Variants in LRRIQ1 observed in about 807,000 individuals in gnomAD.
LRRIQ1 encodes leucine-rich repeat- and IQ domain-containing protein 1.
A neutral mutation model predicts 211.9 loss-of-function variants in LRRIQ1; 210 were observed. The ratio of observed to expected loss-of-function variants is 0.99; its 90% CI spans 0.89 to 1.11. The LOEUF (loss-of-function observed/expected upper bound fraction) is 1.11, where lower values mean the gene tolerates loss of function less well. Ranked by LOEUF, LRRIQ1 falls within the 50% of genes most tolerant of loss-of-function variation. The probability of loss-of-function intolerance (pLI) is 0.00; values close to 1 mark genes in which losing one functional copy is unlikely to be tolerated. For synonymous variants in LRRIQ1, 699 were observed against 650.1 expected, an observed-to-expected ratio of 1.08 and a Z score of -1.14; for missense variants, 2,136 against 1,939.5, an observed-to-expected ratio of 1.10 and a Z score of -1.90.
chr12:85,139,126 C>A (rs1796951157), intron 19 of LRRIQ1, among the ~76,000 whole-genome samples: 1 of 151,294 alleles, frequency 6.6e-6, no homozygotes, highest in Non-Finnish European at 1.5e-5. Context: ...ATGTAGTTTC[C>A]ACCACTAAGA....
At chr12:85,084,961 T>G (rs1884667964) in intron 11 of LRRIQ1, among the ~76,000 whole-genome samples, 1 of 151,590 alleles carries the variant, frequency 6.6e-6, no homozygotes, top group African/African-American at 2.4e-5. Context: ...ATTTATAAAG[T>G]AAGTCATTCT....
intron 19 of LRRIQ1, among the ~76,000 whole-genome samples, chr12:85,141,332 G>GAGGT (rs1221235817): frequency 2.0e-5 from 3 of 151,136 alleles, no homozygotes; most frequent in Non-Finnish European, 4.4e-5. Context: ...GGCATTCTAT[G>GAGGT]AGGTATTGAG....
At position 85,185,911 on chromosome 12, in the gene LRRIQ1, G is replaced by A. The variant is rs1344698617; in HGVS notation, c.4822+25197G>A. ...AATTGCTTATATATATAAGGTGCATGCTATGATATATAAATGATAAGTAAC... is the reference window on the plus strand; with the variant it reads ...AATTGCTTATATATATAAGGTGCATACTATGATATATAAATGATAAGTAAC... On this transcript the variant is annotated intron_variant, in intron 24 of 26. Coordinates refer to ENST00000393217, the MANE Select transcript of LRRIQ1 (RefSeq NM_001079910.2). 4.0e-5 allele frequency among the ~76,000 whole-genome samples: 6 copies of A among 151,868 alleles called. No homozygotes were observed. In the East Asian group the frequency reaches 9.6e-4, roughly 24 times the overall value.
chr12:85,198,122 A>AATAT (rs1893085023), intron 24 of LRRIQ1, among the ~76,000 whole-genome samples: 1 of 120,808 alleles, frequency 8.3e-6, no homozygotes, highest in South Asian at 2.2e-4. Flanking sequence ...TATAATATAT[A>AATAT]ATATATATTA....
chr12:85,095,255 A>G (rs1012987777), intron 11 of LRRIQ1, among the ~76,000 whole-genome samples: 2 of 152,126 alleles, frequency 1.3e-5, no homozygotes, highest in Admixed American at 6.5e-5. Flanking sequence ...TGTCTTTGCC[A>G]TATAGGGCTC....
chr12:85,152,316 A>G lies in LRRIQ1; in HGVS notation c.4366A>G (p.Thr1456Ala). The change falls in exon 20 of 27, where the codon ACC (threonine) becomes GCC (alanine). Residue 1456 changes from threonine to alanine, a missense_variant. By Grantham distance (58) the Thr-to-Ala change is moderately conservative. Coordinates refer to ENST00000393217, the MANE Select transcript of LRRIQ1 (RefSeq NM_001079910.2). ...LEEEWLALDS[T>A]RFPSQTLLLS... is the part of the protein sequence containing the mutation. ...AGAAGAATGGCTAGCATTAGATTCC[A>G]CCCGCTTCCCTTCACAAACACTGCT... 2 of 1,611,418 alleles carry G rather than the reference A, an allele frequency of 1.2e-6. No individual in the cohort carries two copies. The highest frequency in any genetic ancestry group is 1.1e-5 in the South Asian group (1 of 90,950).
At chr12:85,224,550 A>T (rs998835904) in intron 24 of LRRIQ1, among the ~76,000 whole-genome samples, 4 of 152,172 alleles carry the variant, frequency 2.6e-5, no homozygotes, top group Admixed American at 2.6e-4. Flanking sequence ...AATACTATGC[A>T]GCCATCAAAA....
chr12:85,236,830 C>CATATATATATATATAT (rs60371759), intron 26 of LRRIQ1, among the ~76,000 whole-genome samples: 4,542 of 108,134 alleles, frequency 0.042, 213 homozygotes, highest in African/African-American at 0.075. Flanking sequence ...TGTATGTGTG[C>CATATATATATATATAT]ATATATATAT....
intron 24 of LRRIQ1, among the ~76,000 whole-genome samples, chr12:85,175,971 A>G (rs532067758): frequency 6.6e-6 from 1 of 152,168 alleles, no homozygotes; most frequent in Non-Finnish European, 1.5e-5. Flanking sequence ...TTGGCTTAGG[A>G]TTGACTTGGC....
chr12:85,233,864 G>C (rs111593644), intron 26 of LRRIQ1, among the ~76,000 whole-genome samples: 1 of 152,096 alleles, frequency 6.6e-6, no homozygotes, highest in Non-Finnish European at 1.5e-5. Flanking sequence ...CTTTGGCACA[G>C]ATTGGTTAGT....
rs74763279 is a variant in LRRIQ1 at position 85,070,219 on chromosome 12, AT to A, written c.2696-2687del. 1.4e-3 allele frequency among the ~76,000 whole-genome samples: 218 copies of A among 152,132 alleles called. 3 individuals are homozygous for A. In the East Asian group the frequency reaches 0.038, roughly 26 times the overall value. Reference sequence around the variant, plus strand: ...TTTATATTTGATTGCATCCGCAGTCATACAGTATTTGACGATTTACTTTTAG... The same window carrying A: ...TTTATATTTGATTGCATCCGCAGTCAACAGTATTTGACGATTTACTTTTAG... On this transcript the variant is annotated intron_variant, in intron 10 of 26. Coordinates refer to ENST00000393217, the MANE Select transcript of LRRIQ1 (RefSeq NM_001079910.2).
At chr12:85,265,906 G>C (rs904324332), downstream of LRRIQ1, among the ~76,000 whole-genome samples, 1 of 151,030 alleles carries the variant, frequency 6.6e-6, no homozygotes. Context: ...GAAAATAATT[G>C]GTAAGATATT....
At position 85,137,857 on chromosome 12, in the gene LRRIQ1, G is replaced by A. The variant is rs1440725452; in HGVS notation, c.4217G>A (p.Trp1406Ter). ...EKAAILIQAVWKGFILRKKLT... is the reference protein window; with the variant it reads ...EKAAILIQAV ...CTTTACATTTTTGTTTAGGCAGTTT[G>A]GAAGGGCTTTATTTTGCGAAAGAAA... The change falls in exon 19 of 27, where the codon TGG becomes TAG. Residue 1406 changes from tryptophan (W) to a stop codon, truncating the protein, a stop_gained. Transcript: ENST00000393217. LOFTEE classifies it high-confidence loss of function. 12 of 1,588,920 alleles carry A rather than the reference G, an allele frequency of 7.6e-6. No homozygotes were observed. The highest frequency in any genetic ancestry group is 1.0e-5 in the Non-Finnish European group (12 of 1,171,392).
At chr12:85,222,422 A>T (rs962413555) in intron 24 of LRRIQ1, among the ~76,000 whole-genome samples, 5 of 152,170 alleles carry the variant, frequency 3.3e-5, no homozygotes, top group Admixed American at 3.3e-4. Flanking sequence ...GGAGAAGGTA[A>T]TGAATCCAGG....
Position 85,137,023 on chromosome 12 carries a change from A to C in LRRIQ1, c.4210-827A>C, listed in dbSNP as rs1889179606. ...TCTGGCTTCTATTGCTATACATTCT[A>C]CCCTGTTTTATGCCTTTATAGGTAA... On this transcript the variant is annotated intron_variant, in intron 18 of 26. Coordinates refer to ENST00000393217, the MANE Select transcript of LRRIQ1 (RefSeq NM_001079910.2). Among the ~76,000 whole-genome samples, 4 of 151,762 alleles carry C rather than the reference A, an allele frequency of 2.6e-5. No individual in the cohort carries two copies. The South Asian group carries it at 8.3e-4, about 31-fold the overall frequency.
In LRRIQ1 at chr12:85,200,620, T is replaced by G. The variant is rs147024643; in HGVS notation, c.4823-28897T>G. ...TTGTCATAGGTGGCTCTTATTATTC[T>G]GAAACATGTTCCTTCAATGCCTAGT... is the stretch of plus-strand genomic sequence containing the variant. On this transcript the variant is annotated intron_variant, in intron 24 of 26. Coordinates refer to ENST00000393217, the MANE Select transcript of LRRIQ1 (RefSeq NM_001079910.2). 5.2e-3 allele frequency among the ~76,000 whole-genome samples: 789 copies of G among 152,272 alleles called. 4 individuals are homozygous for G. Among genetic ancestry groups the G allele is most frequent in the African/African-American group, 0.018 (767 of 41,564 alleles).
intron 1 of LRRIQ1, among the ~76,000 whole-genome samples, chr12:85,257,636 C>A (rs1436371192): frequency 6.6e-6 from 1 of 151,690 alleles, no homozygotes; most frequent in African/African-American, 2.4e-5. Flanking sequence ...CAATAACCAG[C>A]ATTACATGGG....
At chr12:85,152,461 C>A in intron 20 of LRRIQ1, 92 bp downstream of exon 20, 1 of 899,550 alleles carries the variant, frequency 1.1e-6, no homozygotes, top group Non-Finnish European at 1.6e-6. Flanking sequence ...AATTTATTGA[C>A]TTGAAAAACA....
chr12:85,237,856 T>A (rs927805078), intron 26 of LRRIQ1, among the ~76,000 whole-genome samples: 3 of 152,060 alleles, frequency 2.0e-5, no homozygotes, highest in Non-Finnish European at 4.4e-5. Flanking sequence ...ATCTACAGAT[T>A]CAGCAAATAA....
Sources: gnomAD v4.1 joint callset for allele counts (sites outside exome capture counted in the v4.1 genomes callset) on GRCh38, gnomAD v4.1.1 for gene constraint, MANE v1.5 for transcripts, NCBI Gene and HGNC (gene_info 2026-07-23, HGNC 2026-07-21) for gene names.